The following WWC2 variants were observed in gnomAD, a reference collection of about 807,000 sequenced individuals.
The protein encoded by WWC2 is WW and C2 domain containing 2.
A neutral mutation model predicts 138.5 loss-of-function variants in WWC2; 101 were observed. The ratio of observed to expected loss-of-function variants is 0.73; its 90% CI spans 0.62 to 0.86. The LOEUF (loss-of-function observed/expected upper bound fraction) is 0.86, where lower values mean the gene tolerates loss of function less well. Among genes scored for constraint, WWC2 ranks in the 40% least tolerant of loss-of-function variants. WWC2 has a pLI of 0.00. For missense variants in WWC2, 1,420 were observed against 1,419.4 expected, an observed-to-expected ratio of 1.00 and a Z score of -0.01; for synonymous variants, 558 against 538.4, an observed-to-expected ratio of 1.04 and a Z score of -0.50.
intron 4 of WWC2, among the ~76,000 whole-genome samples, chr4:183,221,123 A>T (rs1181610796): frequency 6.6e-6 from 1 of 152,248 alleles, no homozygotes; most frequent in Non-Finnish European, 1.5e-5. Context: ...AAGATATATC[A>T]TGAAAATACA....
intron 2 of WWC2, among the ~76,000 whole-genome samples, chr4:183,201,974 A>C (rs531524553): frequency 1.3e-5 from 2 of 152,226 alleles, no homozygotes; most frequent in South Asian, 4.2e-4. Context: ...GGCATACTAC[A>C]CCATTCTGGG....
chr4:183,250,116 T>C, intron 8 of WWC2, 123 bp downstream of exon 8: 1 of 834,940 alleles, frequency 1.2e-6, no homozygotes, highest in Non-Finnish European at 1.9e-6. Flanking sequence ...CACCCTTCGG[T>C]TTTAGCATGT....
At chr4:183,107,831 G>C (rs1307409695) in intron 1 of WWC2, among the ~76,000 whole-genome samples, 3 of 151,560 alleles carry the variant, frequency 2.0e-5, no homozygotes, top group Admixed American at 1.3e-4. Context: ...ATAAGATTTG[G>C]TCCCAGCTCA....
At position 183,267,043 on chromosome 4, in the gene WWC2, T is replaced by C. The variant is rs1196710066; in HGVS notation, c.2207+1092T>C. ...AGAGATAGTGGCTTTCTTTTTTTTT[T>C]TTTAAGAGATGGGGTCTCACTGGGT... is the stretch of plus-strand genomic sequence containing the variant. On this transcript the variant is annotated intron_variant, in intron 14 of 22. Transcript: ENST00000403733. Among the ~76,000 whole-genome samples the C allele has an allele frequency of 2.0e-5, 3 of 151,982 alleles. No homozygotes were observed. In the East Asian group the frequency reaches 5.8e-4, roughly 29 times the overall value.
At chr4:183,143,419 G>C (rs1382208920) in intron 1 of WWC2, among the ~76,000 whole-genome samples, 1 of 152,156 alleles carries the variant, frequency 6.6e-6, no homozygotes, top group Non-Finnish European at 1.5e-5. Context: ...TGTCAACTCT[G>C]TCCTGTTAAG....
At chr4:183,217,954 A>C (rs1359455088) in intron 4 of WWC2, among the ~76,000 whole-genome samples, 1 of 152,184 alleles carries the variant, frequency 6.6e-6, no homozygotes, top group Non-Finnish European at 1.5e-5. Flanking sequence ...AGCACATCAT[A>C]ATCATATTGC....
intron 4 of WWC2, among the ~76,000 whole-genome samples, chr4:183,235,543 TG>T (rs1329331232): frequency 2.0e-5 from 3 of 152,228 alleles, no homozygotes. Flanking sequence ...TTTGCTTCTA[TG>T]AGCCTATTTT....
At chr4:183,220,831 C>G (rs1735913883) in intron 4 of WWC2, among the ~76,000 whole-genome samples, 1 of 142,658 alleles carries the variant, frequency 7.0e-6, no homozygotes, top group South Asian at 2.2e-4. Flanking sequence ...GAGACTCCGT[C>G]TCAAAAAGAA....
chr4:183,154,208 C>T (rs746463700), intron 1 of WWC2, among the ~76,000 whole-genome samples: 3 of 152,130 alleles, frequency 2.0e-5, no homozygotes, highest in Admixed American at 1.3e-4. Flanking sequence ...GGCAGACTGC[C>T]TGCATTTGAA....
At chr4:183,184,926 C>T (rs923100105) in intron 1 of WWC2, among the ~76,000 whole-genome samples, 1 of 151,862 alleles carries the variant, frequency 6.6e-6, no homozygotes. Flanking sequence ...AATATTTCAT[C>T]GTTTTCATAA....
intron 4 of WWC2, among the ~76,000 whole-genome samples, chr4:183,212,286 T>C (rs1367609068): frequency 6.6e-6 from 1 of 152,196 alleles, no homozygotes; most frequent in Non-Finnish European, 1.5e-5. Context: ...TTGGATTTCT[T>C]TATTTATGAA....
At chr4:183,264,844 T>G in intron 11 of WWC2, 134 bp from the exon 12 acceptor site, 1 of 984,904 alleles carries the variant, frequency 1.0e-6, no homozygotes, top group Non-Finnish European at 1.4e-6. Context: ...AGCTGTAGAT[T>G]TGAATATTAA....
In WWC2 at chr4:183,316,038, C is replaced by A. The variant is rs1739425898; in HGVS notation, c.*309C>A. ...GTAAAAATGGAATAGAGGCAGTACC[C>A]CACATGTGTACTGTTGAGCCGGCTG... On this transcript the variant is annotated 3_prime_UTR_variant, in exon 23 of 23. Coordinates refer to ENST00000403733, the MANE Select transcript of WWC2 (RefSeq NM_024949.6). 3.2e-5 allele frequency: 7 copies of A among 219,880 alleles called. No homozygotes were observed. The highest frequency in any genetic ancestry group is 3.0e-4 in the South Asian group (7 of 23,602). 13.6% of individuals were successfully genotyped at this position (219,880 alleles called of 1,614,324 possible). A position where few individuals can be genotyped will look rare whatever the true frequency, so the allele number is the denominator to read the frequency against.
At chr4:183,289,151 C>G (rs1738350557) in intron 20 of WWC2, among the ~76,000 whole-genome samples, 1 of 152,252 alleles carries the variant, frequency 6.6e-6, no homozygotes, top group Admixed American at 6.5e-5. Context: ...GTTCTTTGCT[C>G]TCCCTCCAGC....
chr4:183,289,723 T>C, intron 21 of WWC2, 88 bp downstream of exon 21: 1 of 1,529,852 alleles, frequency 6.5e-7, no homozygotes, highest in East Asian at 2.3e-5. Context: ...TACACTTCTG[T>C]TTTGCGCATA....
At chr4:183,298,761 A>G (rs1292819426) in intron 21 of WWC2, among the ~76,000 whole-genome samples, 2 of 152,324 alleles carry the variant, frequency 1.3e-5, no homozygotes, top group African/African-American at 2.4e-5. Flanking sequence ...TTTGTGATCT[A>G]TTTGAGATCA....
intron 9 of WWC2, among the ~76,000 whole-genome samples, chr4:183,256,269 G>T (rs926006055): frequency 3.9e-5 from 6 of 152,178 alleles, no homozygotes; most frequent in African/African-American, 1.4e-4. Context: ...TCAGCTTAAA[G>T]CTTTCTAACT....
chr4:183,261,628 C>T, intron 11 of WWC2, 96 bp downstream of exon 11: 1 of 1,346,332 alleles, frequency 7.4e-7, no homozygotes. Context: ...GGGTATGATT[C>T]CCCTTCTCTT....
At chr4:183,269,389 T>G (rs747843439) in intron 15 of WWC2, 27 of 673,022 alleles carry the variant, frequency 4.0e-5, no homozygotes, top group Non-Finnish European at 7.5e-5. Flanking sequence ...TCTGTAAAAG[T>G]TGCTTTCTAT....
Sources: allele counts gnomAD v4.1 joint callset (sites outside exome capture counted in the v4.1 genomes callset), GRCh38; gene constraint gnomAD v4.1.1; transcripts MANE v1.5; gene names NCBI Gene and HGNC (gene_info 2026-07-23, HGNC 2026-07-21).